MYO10: variants seen among roughly 807,000 people sequenced by gnomAD.
The protein encoded by MYO10 is unconventional myosin-X.
In MYO10, 133 loss-of-function variants were observed where a neutral mutation model predicts 257.3. The ratio of observed to expected loss-of-function variants is 0.52; its 90% CI spans 0.45 to 0.60. MYO10 has a LOEUF of 0.60. Among genes scored for constraint, MYO10 ranks in the 20% least tolerant of loss-of-function variants. The probability of loss-of-function intolerance (pLI) is 0.00; values close to 1 mark genes in which losing one functional copy is unlikely to be tolerated. For synonymous variants in MYO10, 1,104 were observed against 1,028.6 expected (o/e 1.07, Z -1.40); for missense variants, 2,399 against 2,635.7 (o/e 0.91, Z 1.97).
chr5:16,922,290 C>T lies in MYO10; in HGVS notation c.21+13498G>A, dbSNP rs73754041. 8.3e-3 allele frequency among the ~76,000 whole-genome samples: 1,259 copies of T among 152,052 alleles called. 16 individuals carry two copies. Among genetic ancestry groups the T allele is most frequent in the African/African-American group, 0.029 (1,186 of 41,476 alleles). ...GCACATGGGCCCACATCTGAGAATC[C>T]GAGGGGGAAAACTTCCAGAGGGCTG... On this transcript the variant is annotated intron_variant, in intron 1 of 40. Transcript: ENST00000513610.
chr5:16,815,877 AT>A lies in MYO10; in HGVS notation c.279+2131del, dbSNP rs201393201. 1.0e-3 allele frequency among the ~76,000 whole-genome samples: 154 copies of A among 148,612 alleles called. 4 individuals carry two copies. In the East Asian group the frequency reaches 0.022, roughly 21 times the overall value. ...CACTTTCACACCAACAGGTATAAACATTACCTTTTCTGAACATATGGAAAAT... is the reference window on the plus strand; with the variant it reads ...CACTTTCACACCAACAGGTATAAACATACCTTTTCTGAACATATGGAAAAT... On this transcript the variant is annotated intron_variant, in intron 3 of 40. Coordinates refer to ENST00000513610, the MANE Select transcript of MYO10 (RefSeq NM_012334.3).
intron 28 of MYO10, among the ~76,000 whole-genome samples, chr5:16,688,271 G>A (rs577233762): frequency 1.3e-5 from 2 of 152,248 alleles, no homozygotes; most frequent in East Asian, 3.9e-4. Flanking sequence ...TGTTCCCATG[G>A]GAAGAATTAT....
chr5:16,713,583 G>C, intron 19 of MYO10: 1 of 798,466 alleles, frequency 1.3e-6, no homozygotes, highest in African/African-American at 1.9e-5. Flanking sequence ...GAGCGGCCTC[G>C]AGATCCAGGC....
intron 3 of MYO10, among the ~76,000 whole-genome samples, chr5:16,804,420 G>A (rs1035895227): frequency 4.6e-5 from 7 of 152,162 alleles, no homozygotes; most frequent in Non-Finnish European, 7.3e-5. Context: ...CAAAGGGAGT[G>A]GGGGAAGGGC....
chr5:16,783,988 T>C (rs1741499411), intron 4 of MYO10, among the ~76,000 whole-genome samples: 1 of 152,262 alleles, frequency 6.6e-6, no homozygotes, highest in South Asian at 2.1e-4. Flanking sequence ...AATAATCCCA[T>C]GAGGGAAGCA....
At position 16,681,309 on chromosome 5, in the gene MYO10, C is replaced by T; in HGVS notation, c.4384G>A (p.Gly1462Ser). 1 of 1,606,034 alleles carries T rather than the reference C, an allele frequency of 6.2e-7. No individual in the cohort carries two copies. The highest frequency in any genetic ancestry group is 8.5e-7 in the Non-Finnish European group (1 of 1,177,658). The change falls in exon 32 of 41, where the codon GGC (glycine) becomes AGC (serine). Residue 1462 changes from glycine (G) to serine (S), a missense_variant and splice_region_variant. Physicochemically the swap from Gly to Ser is moderately conservative, Grantham distance 56. Coordinates refer to ENST00000513610, the MANE Select transcript of MYO10 (RefSeq NM_012334.3). ...GGGTTCGGGCAGCCAGCCTGGTTAC[C>T]TGTCTCTTTGAATATCTTCTCATCT... ...PPDEKIFKET[G>S]YWNVTVYGRK...
intron 4 of MYO10, among the ~76,000 whole-genome samples, chr5:16,793,863 G>A (rs1337124556): frequency 5.9e-5 from 9 of 151,608 alleles, no homozygotes; most frequent in Admixed American, 1.3e-4. Context: ...CCCAGGAGGC[G>A]GAGGTTGCAG....
chr5:16,856,308 C>G (rs1561021424), intron 2 of MYO10, among the ~76,000 whole-genome samples: 1 of 152,160 alleles, frequency 6.6e-6, no homozygotes, highest in African/African-American at 2.4e-5. Context: ...CCTGTAATCC[C>G]AGCATTTCAG....
At chr5:16,713,394 GA>G (rs753149360) in intron 19 of MYO10, 6 of 985,802 alleles carry the variant, frequency 6.1e-6, no homozygotes, top group Non-Finnish European at 6.0e-6. Context: ...AATTCATATG[GA>G]AAACAACTGC....
chr5:16,783,504 C>G (rs1395014017), intron 4 of MYO10, 35 bp from the exon 5 acceptor site: 4 of 1,587,084 alleles, frequency 2.5e-6, no homozygotes, highest in Non-Finnish European at 1.7e-6. Context: ...GTGCTTCTAA[C>G]TATAATTTTT....
intron 4 of MYO10, among the ~76,000 whole-genome samples, chr5:16,787,627 A>C (rs1039892056): frequency 8.7e-5 from 13 of 148,700 alleles, no homozygotes; most frequent in Middle Eastern, 3.4e-3. Flanking sequence ...AAAAAAAAAA[A>C]AAAAAAACTT....
chr5:16,753,177 T>C (rs1315386877), intron 19 of MYO10, among the ~76,000 whole-genome samples: 1 of 152,200 alleles, frequency 6.6e-6, no homozygotes, highest in Non-Finnish European at 1.5e-5. Context: ...TGTTTTTGTT[T>C]GTTTGTTTTG....
chr5:16,818,804 AT>A (rs917968035), intron 2 of MYO10, among the ~76,000 whole-genome samples: 15 of 152,320 alleles, frequency 9.8e-5, no homozygotes, highest in African/African-American at 3.6e-4. Flanking sequence ...CCTAAAAGAT[AT>A]TAGTTCAAGT....
chr5:16,731,153 C>A (rs543653340), intron 19 of MYO10, among the ~76,000 whole-genome samples: 1 of 150,914 alleles, frequency 6.6e-6, no homozygotes, highest in Non-Finnish European at 1.5e-5. Flanking sequence ...TCAAGCAATT[C>A]TCTGCCACAG....
chr5:16,818,428 AC>A (rs1742705563), intron 2 of MYO10, among the ~76,000 whole-genome samples: 1 of 147,730 alleles, frequency 6.8e-6, no homozygotes, highest in African/African-American at 2.5e-5. Context: ...ATATATATAC[AC>A]ATATCTTTGT....
At position 16,670,903 on chromosome 5, in the gene MYO10, G is replaced by A; in HGVS notation, c.5506C>T (p.Gln1836Ter). The change falls in exon 39 of 41, where the codon CAG (glutamine) becomes TAG (stop). Residue 1836 changes from glutamine to a stop codon, truncating the protein, a stop_gained. Coordinates refer to ENST00000513610, the MANE Select transcript of MYO10 (RefSeq NM_012334.3). LOFTEE classifies it high-confidence loss of function. ...AGAGTATAATCCCCCTGCAGATACT[G>A]GAGTCGCAGGGCAGCAAGAACCTGG... The part of the protein sequence containing the change: ...NLQVLAALRL[Q>*]YLQGDYTLHA... 6.2e-7 allele frequency: 1 copy of A among 1,613,940 alleles called. No individual in the cohort carries two copies. The highest frequency in any genetic ancestry group is 8.5e-7 in the Non-Finnish European group (1 of 1,179,854).
intron 33 of MYO10, among the ~76,000 whole-genome samples, chr5:16,679,715 C>T (rs1032269212): frequency 1.3e-5 from 2 of 151,756 alleles, no homozygotes; most frequent in East Asian, 3.9e-4. Flanking sequence ...AGTAGAGATA[C>T]GGTTTCATCA....
chr5:16,853,782 A>G (rs1258128634), intron 2 of MYO10, among the ~76,000 whole-genome samples: 6 of 152,156 alleles, frequency 3.9e-5, no homozygotes, highest in Non-Finnish European at 5.9e-5. Context: ...GGGAGAGAAG[A>G]GCGGGTCCAC....
chr5:16,911,967 G>A (rs1389583906), intron 1 of MYO10, among the ~76,000 whole-genome samples: 8 of 152,082 alleles, frequency 5.3e-5, no homozygotes, highest in Admixed American at 1.3e-4. Context: ...CCTGGGAGGC[G>A]GAGGTTGCAG....
Sources: allele counts gnomAD v4.1 joint callset (sites outside exome capture counted in the v4.1 genomes callset), GRCh38; gene constraint gnomAD v4.1.1; transcripts MANE v1.5; gene names NCBI Gene and HGNC (gene_info 2026-07-23, HGNC 2026-07-21).